Variants in PACS1 observed in about 807,000 individuals in gnomAD.
PACS1 encodes PACS-1.
Under a neutral mutation model 115.0 loss-of-function variants are expected in PACS1, and 24 were observed. The observed-to-expected ratio is 0.21, with a 90% CI of 0.15 to 0.29. The LOEUF (loss-of-function observed/expected upper bound fraction) is 0.29. Among genes scored for constraint, PACS1 ranks in the 10% least tolerant of loss-of-function variants. PACS1 has a pLI of 1.00. For synonymous variants in PACS1, 453 were observed against 504.5 expected (o/e 0.90, Z 1.37); for missense variants, 838 against 1,251.2 (o/e 0.67, Z 4.98).
intron 20 of PACS1, 82 bp downstream of exon 20, chr11:66,238,928 A>G: frequency 1.4e-6 from 2 of 1,434,196 alleles, no homozygotes. Context: ...CCAGAAGTTA[A>G]GCTCTGGATG....
chr11:66,182,171 C>T (rs572309705), intron 1 of PACS1, among the ~76,000 whole-genome samples: 1 of 152,264 alleles, frequency 6.6e-6, no homozygotes, highest in South Asian at 2.1e-4. Context: ...AAGGAGATTG[C>T]AGAGAGAGAT....
chr11:66,126,058 A>T (rs980536670), intron 1 of PACS1, among the ~76,000 whole-genome samples: 13 of 137,158 alleles, frequency 9.5e-5, no homozygotes, highest in African/African-American at 3.5e-4. Flanking sequence ...AAAAAAAAAA[A>T]TGTGGGCAAC....
At chr11:66,230,284 C>CT in intron 11 of PACS1, 1 of 495,642 alleles carries the variant, frequency 2.0e-6, no homozygotes, top group Non-Finnish European at 3.6e-6. Context: ...CATCAGTCCA[C>CT]TCTTCTTGTG....
rs61270162 is a variant in PACS1, at chr11:66,156,204, T to TTATA, written c.357-37235_357-37232dup. ...CCACAAAGTTGTTTCATTTTTTAAA[T>TTATA]TATATATATATATATATATATATAT... On this transcript the variant is annotated intron_variant, in intron 1 of 23. Transcript: ENST00000320580. Among the ~76,000 whole-genome samples, 304 of 84,976 alleles carry TTATA rather than the reference T, an allele frequency of 3.6e-3. 4 individuals carry two copies. The highest frequency in any genetic ancestry group is 4.5e-3 in the Non-Finnish European group (195 of 43,786). 55.7% of individuals were successfully genotyped at this position (84,976 alleles called of 152,430 possible). A position where few individuals can be genotyped will look rare whatever the true frequency, so the allele number is the denominator to read the frequency against.
chr11:66,134,254 C>CTTTTTTTTTTT lies in PACS1; in HGVS notation c.357-59217_357-59207dup, dbSNP rs1162472902. Among the ~76,000 whole-genome samples, 234 of 75,076 alleles carry CTTTTTTTTTTT rather than the reference C, an allele frequency of 3.1e-3. 11 individuals are homozygous for CTTTTTTTTTTT. Among genetic ancestry groups the CTTTTTTTTTTT allele is most frequent in the South Asian group, 4.1e-3 (7 of 1,718 alleles). The allele number at this position is 75,076 out of a possible 152,430, so 49.3% of individuals were successfully genotyped here. A position where few individuals can be genotyped will look rare whatever the true frequency, so the allele number is the denominator to read the frequency against. Reference sequence around the variant, plus strand: ...TAAATTTCTTTTTCTTTTTCTTTTTCTTTTTTTTTTTTTTTTTTTTTTTTT... The same window carrying CTTTTTTTTTTT: ...TAAATTTCTTTTTCTTTTTCTTTTTCTTTTTTTTTTTTTTTTTTTTTTTTTTTTTTTTTTTT... On this transcript the variant is annotated intron_variant, in intron 1 of 23. Transcript: ENST00000320580.
At chr11:66,242,642 C>T (rs1371959300) in intron 22 of PACS1, among the ~76,000 whole-genome samples, 2 of 152,150 alleles carry the variant, frequency 1.3e-5, no homozygotes, top group Non-Finnish European at 2.9e-5. Flanking sequence ...GAAAGGACTT[C>T]AGAGACCATC....
At chr11:66,187,910 G>C (rs1436749537) in intron 1 of PACS1, among the ~76,000 whole-genome samples, 2 of 152,158 alleles carry the variant, frequency 1.3e-5, no homozygotes, top group Non-Finnish European at 1.5e-5. Context: ...GGCTGCACTA[G>C]TTCACATTCA....
At chr11:66,087,015 A>T (rs756851345) in intron 1 of PACS1, among the ~76,000 whole-genome samples, 1 of 152,184 alleles carries the variant, frequency 6.6e-6, no homozygotes, top group Non-Finnish European at 1.5e-5. Context: ...AAGGACATAT[A>T]TCATAAGCCT....
In PACS1 at chr11:66,070,481, C is replaced by T; in HGVS notation, c.-6C>T. On this transcript the variant is annotated 5_prime_UTR_variant, in exon 1 of 24. Coordinates refer to ENST00000320580, the MANE Select transcript of PACS1 (RefSeq NM_018026.4). This position sits in a 1 kb window ranked among gnomAD's most constrained non-coding sequence, Gnocchi z 5.9. ...TCGGCCTCCGTAACCCCCGCCTAGC[C>T]GGGCCATGGCGGAACGCGGAGGGGC... is the stretch of plus-strand genomic sequence containing the variant. 1 of 1,265,696 alleles carries T rather than the reference C, an allele frequency of 7.9e-7. No homozygotes were observed. The highest frequency in any genetic ancestry group is 9.9e-7 in the Non-Finnish European group (1 of 1,009,664). 78.4% of individuals were successfully genotyped at this position (1,265,696 alleles called of 1,614,324 possible). A position where few individuals can be genotyped will look rare whatever the true frequency, so the allele number is the denominator to read the frequency against.
intron 1 of PACS1, among the ~76,000 whole-genome samples, chr11:66,103,876 A>C (rs1019485320): frequency 1.8e-4 from 27 of 151,902 alleles, no homozygotes; most frequent in Admixed American, 1.8e-3. Flanking sequence ...TGTACTCACC[A>C]CCCTGCTTTA....
intron 1 of PACS1, among the ~76,000 whole-genome samples, chr11:66,185,395 ACTT>A (rs561118049): frequency 2.1e-3 from 320 of 152,222 alleles, no homozygotes; most frequent in African/African-American, 7.5e-3. Flanking sequence ...GGCAGACTCA[ACTT>A]CTTAGAGTTC....
At chr11:66,226,038 G>T (rs994512844) in intron 10 of PACS1, among the ~76,000 whole-genome samples, 2 of 152,176 alleles carry the variant, frequency 1.3e-5, no homozygotes, top group Non-Finnish European at 1.5e-5. Context: ...CAGGCATGGT[G>T]GCAGACGCTT....
chr11:66,133,993 C>T (rs888095724), intron 1 of PACS1, among the ~76,000 whole-genome samples: 13 of 152,082 alleles, frequency 8.5e-5, no homozygotes, highest in Non-Finnish European at 1.5e-4. Flanking sequence ...GATATATACC[C>T]CATGTTTATT....
intron 1 of PACS1, among the ~76,000 whole-genome samples, chr11:66,150,716 A>C (rs1019451942): frequency 3.3e-5 from 5 of 152,210 alleles, no homozygotes; most frequent in Non-Finnish European, 5.9e-5. Flanking sequence ...GATTAGAGGA[A>C]ATTTCCATTA....
chr11:66,224,761 T>G (rs1855438597), intron 10 of PACS1, among the ~76,000 whole-genome samples: 1 of 152,220 alleles, frequency 6.6e-6, no homozygotes, highest in South Asian at 2.1e-4. Context: ...GACTGCGCTC[T>G]TAAATGGAGA....
Position 66,239,252 on chromosome 11 carries a change from A to G in PACS1, c.2404A>G (p.Met802Val), listed in dbSNP as rs754776375. The change falls in exon 21 of 24, where the codon ATG becomes GTG. Residue 802 changes from methionine (M) to valine (V), a missense_variant. Physicochemically the swap from Met to Val is conservative, Grantham distance 21. Around this residue, in one of 6 missense-constraint regions of PACS1, gnomAD observed 383 missense variants for 537.0 expected, o/e 0.71. Transcript: ENST00000320580. ...GGCCACCCCTCCCTCCTCCCCATCTATGAGCAGCGCCCTGGCCATCGTGGG... is the reference window on the plus strand; with the variant it reads ...GGCCACCCCTCCCTCCTCCCCATCTGTGAGCAGCGCCCTGGCCATCGTGGG... Reference protein sequence around the residue: ...ATATPPSSPSMSSALAIVGSP... With the variant: ...ATATPPSSPSVSSALAIVGSP... The G allele has an allele frequency of 6.6e-5, 107 of 1,613,170 alleles. No individual in the cohort carries two copies. Among genetic ancestry groups the G allele is most frequent in the Non-Finnish European group, 8.7e-5 (103 of 1,179,904 alleles).
At chr11:66,122,277 A>G (rs1470555098) in intron 1 of PACS1, among the ~76,000 whole-genome samples, 1 of 152,246 alleles carries the variant, frequency 6.6e-6, no homozygotes, top group Non-Finnish European at 1.5e-5. Context: ...AGACCTGCTC[A>G]GAAGAAAAGA....
At chr11:66,179,711 A>G (rs1484670465) in intron 1 of PACS1, among the ~76,000 whole-genome samples, 2 of 152,172 alleles carry the variant, frequency 1.3e-5, no homozygotes, top group Non-Finnish European at 2.9e-5. Flanking sequence ...ACTTTGTTTA[A>G]TCTTTACTTC....
At chr11:66,229,858 A>G (rs1001666491) in intron 11 of PACS1, among the ~76,000 whole-genome samples, 8 of 152,034 alleles carry the variant, frequency 5.3e-5, no homozygotes, top group African/African-American at 1.9e-4. Flanking sequence ...AAGCAGGAGA[A>G]TTGCTTGAAC....
Sources: allele counts gnomAD v4.1 joint callset (sites outside exome capture counted in the v4.1 genomes callset), GRCh38; gene constraint gnomAD v4.1.1; regional missense constraint gnomAD v4.1.1; non-coding constraint Gnocchi (gnomAD v3.1); transcripts MANE v1.5; gene names NCBI Gene and HGNC (gene_info 2026-07-23, HGNC 2026-07-21).